Variants in SYAP1 observed in about 807,000 individuals in gnomAD.
SYAP1 encodes synapse-associated protein 1.
SYAP1 carries 3 observed loss-of-function variants against 29.6 expected under a neutral mutation model. The observed-to-expected ratio is 0.10, with a 90% CI of 0.05 to 0.26. The LOEUF (loss-of-function observed/expected upper bound fraction) is 0.26, where lower values mean the gene tolerates loss of function less well. Among genes scored for constraint, SYAP1 ranks in the 10% least tolerant of loss-of-function variants. The probability of loss-of-function intolerance (pLI) is 1.00; values close to 1 mark genes in which losing one functional copy is unlikely to be tolerated. For missense variants in SYAP1, 217 were observed against 264.1 expected (o/e 0.82, Z 1.24); for synonymous variants, 102 against 102.7 (o/e 0.99, Z 0.04).
intron 5 of SYAP1, 63 bp downstream of exon 5, chrX:16,743,903 A>G: frequency 8.8e-7 from 1 of 1,139,096 alleles, no homozygotes. Flanking sequence ...ATCAGCACAT[A>G]ATGATGGAAG....
chrX:16,721,236 G>A (rs769160155), intron 1 of SYAP1, among the ~76,000 whole-genome samples: 1 of 110,123 alleles, frequency 9.1e-6, no homozygotes, highest in Non-Finnish European at 1.9e-5. Context: ...AGAAAGGGCC[G>A]AACAGTTTTT....
chrX:16,740,675 G>A (rs1926440055), intron 3 of SYAP1, among the ~76,000 whole-genome samples: 1 of 110,856 alleles, frequency 9.0e-6, no homozygotes, highest in South Asian at 3.7e-4. Flanking sequence ...TTCCTTGTGT[G>A]TACACAAATG....
At chrX:16,737,987 A>G (rs1926366812) in intron 3 of SYAP1, among the ~76,000 whole-genome samples, 1 of 111,618 alleles carries the variant, frequency 9.0e-6, no homozygotes, top group South Asian at 3.8e-4. Context: ...GAGCTCCTCT[A>G]TGGAAAGTGT....
intron 3 of SYAP1, among the ~76,000 whole-genome samples, chrX:16,740,040 C>T (rs932913232): frequency 1.8e-5 from 2 of 110,961 alleles, no homozygotes; most frequent in South Asian, 3.8e-4. Context: ...GATCTTCAGA[C>T]GAGCTTGCCA....
chrX:16,736,152 A>C lies in SYAP1; in HGVS notation c.295-14A>C. The C allele has an allele frequency of 1.8e-6, 2 of 1,082,331 alleles. No individual in the cohort carries two copies. Among genetic ancestry groups the C allele is most frequent in the Non-Finnish European group, 2.6e-6 (2 of 780,049 alleles). 89.2% of individuals were successfully genotyped at this position (1,082,331 alleles called of 1,213,427 possible). ...ACATTGCTATTTAATTTGACTATGTATTTTTTTTAACAGACAATTATAGGA... is the reference window on the plus strand; with the variant it reads ...ACATTGCTATTTAATTTGACTATGTCTTTTTTTTAACAGACAATTATAGGA... On this transcript the variant is annotated splice_polypyrimidine_tract_variant and intron_variant, in intron 2 of 8. Transcript: ENST00000380155.
In SYAP1 at chrX:16,763,463, C is replaced by T. The variant is rs1441454641; in HGVS notation, c.*3104C>T. On this transcript the variant is annotated 3_prime_UTR_variant, in exon 9 of 9. Coordinates refer to ENST00000380155, the MANE Select transcript of SYAP1 (RefSeq NM_032796.4). ...CGCCTCCCAAGTTCAAGCGATTCTC[C>T]CACCTCAGCCTCCAGAGTAGCTGGG... The T allele has an allele frequency of 9.1e-6, 1 of 110,399 alleles. No individual in the cohort carries two copies. Among genetic ancestry groups the T allele is most frequent in the Non-Finnish European group, 1.9e-5 (1 of 52,835 alleles). The allele number at this position is 110,399 out of a possible 1,213,427, so 9.1% of individuals were successfully genotyped here. A position where few individuals can be genotyped will look rare whatever the true frequency, so the allele number is the denominator to read the frequency against.
rs765463227 is a variant in SYAP1, at chrX:16,744,994, G to C, written c.575+1154G>C. Among the ~76,000 whole-genome samples, 5 of 112,016 alleles carry C rather than the reference G, an allele frequency of 4.5e-5. No individual in the cohort carries two copies. In the South Asian group the frequency reaches 1.5e-3, roughly 33 times the overall value. On this transcript the variant is annotated intron_variant, in intron 5 of 8. Coordinates refer to ENST00000380155, the MANE Select transcript of SYAP1 (RefSeq NM_032796.4). ...ATAAAAGACAGACTCCTTTTTCTAT[G>C]CTGTTTCCTCCCTCGGGACTCTTTT... is the stretch of plus-strand genomic sequence containing the variant.
intron 1 of SYAP1, among the ~76,000 whole-genome samples, chrX:16,727,099 G>A (rs991971921): frequency 1.8e-5 from 2 of 110,612 alleles, no homozygotes; most frequent in African/African-American, 6.5e-5. Context: ...TTAACAACAG[G>A]TATACTATAG....
At chrX:16,759,830 G>C (rs1926942281) in intron 8 of SYAP1, among the ~76,000 whole-genome samples, 1 of 112,433 alleles carries the variant, frequency 8.9e-6, no homozygotes, top group South Asian at 3.6e-4. Context: ...AGTTGGGCCA[G>C]TGCCCAGCCC....
chrX:16,740,853 C>T (rs183055225), intron 3 of SYAP1, among the ~76,000 whole-genome samples: 2 of 111,799 alleles, frequency 1.8e-5, no homozygotes, highest in African/African-American at 6.5e-5. Flanking sequence ...GTATAGGATC[C>T]AGTTGAGGAT....
chrX:16,749,740 A>G (rs185284543), intron 5 of SYAP1, among the ~76,000 whole-genome samples: 2 of 109,432 alleles, frequency 1.8e-5, no homozygotes, highest in Admixed American at 2.0e-4. Context: ...ACACAGTGAA[A>G]CTCCGTCTCT....
intron 1 of SYAP1, among the ~76,000 whole-genome samples, chrX:16,724,732 A>T (rs1926047692): frequency 8.9e-6 from 1 of 112,010 alleles, no homozygotes; most frequent in African/African-American, 3.2e-5. Flanking sequence ...GACTCTCCCC[A>T]TAGCTCCCTT....
chrX:16,747,198 C>T (rs1926628852), intron 5 of SYAP1, among the ~76,000 whole-genome samples: 1 of 111,702 alleles, frequency 9.0e-6, no homozygotes, highest in African/African-American at 3.2e-5. Flanking sequence ...GTCTTCCTGC[C>T]TCAGCCTCTC....
chrX:16,735,499 T>G (rs1396406012), intron 2 of SYAP1, among the ~76,000 whole-genome samples, 154 bp downstream of exon 2: 1 of 112,607 alleles, frequency 8.9e-6, no homozygotes, highest in Non-Finnish European at 1.9e-5. Context: ...TTCCTCTCTT[T>G]GAATAACAAG....
chrX:16,735,256 A>T lies in SYAP1; in HGVS notation c.205A>T (p.Thr69Ser). 1 of 1,199,365 alleles carries T rather than the reference A, an allele frequency of 8.3e-7. No homozygotes were observed. The highest frequency in any genetic ancestry group is 2.3e-5 in the Admixed American group (1 of 42,983). ...TTTATTTAACTTTGCATCTGCTGCC[A>T]CAAAAAAGATAACTGAATCAGTTGC... ...NYLFNFASAA[T>S]KKITESVAET... The change falls in exon 2 of 9, where the codon ACA becomes TCA. Residue 69 changes from threonine to serine, a missense_variant. Coordinates refer to ENST00000380155, the MANE Select transcript of SYAP1 (RefSeq NM_032796.4).
intron 1 of SYAP1, among the ~76,000 whole-genome samples, chrX:16,722,764 C>T (rs1354048237): frequency 9.0e-6 from 1 of 111,079 alleles, no homozygotes; most frequent in Non-Finnish European, 1.9e-5. Flanking sequence ...TTACAACCTC[C>T]GATTGTCACT....
chrX:16,736,928 G>C (rs1307868743), intron 3 of SYAP1, among the ~76,000 whole-genome samples: 1 of 111,562 alleles, frequency 9.0e-6, no homozygotes, highest in Non-Finnish European at 1.9e-5. Context: ...GCTTCCGAGG[G>C]AGGCGAGTGA....
intron 1 of SYAP1, among the ~76,000 whole-genome samples, chrX:16,730,635 A>C (rs1926185801): frequency 8.9e-6 from 1 of 112,162 alleles, no homozygotes; most frequent in Admixed American, 9.5e-5. Context: ...AAGAGACCTA[A>C]TCACCTTTAA....
chrX:16,747,019 T>TC (rs1926624861), intron 5 of SYAP1, among the ~76,000 whole-genome samples: 1 of 112,281 alleles, frequency 8.9e-6, no homozygotes, highest in Non-Finnish European at 1.9e-5. Context: ...AGTGGCACAG[T>TC]AGCTTACTGT....
Sources: gnomAD v4.1 joint callset for allele counts (sites outside exome capture counted in the v4.1 genomes callset) on GRCh38, gnomAD v4.1.1 for gene constraint, MANE v1.5 for transcripts, NCBI Gene and HGNC (gene_info 2026-07-23, HGNC 2026-07-21) for gene names.